Variants in TNS1 observed in about 807,000 individuals in gnomAD.
TNS1 encodes the protein tensin-1.
In TNS1, 62 loss-of-function variants were observed where a neutral mutation model predicts 168.6. That is an observed-to-expected ratio of 0.37 (90% CI 0.30 to 0.45). TNS1 has a LOEUF of 0.45. Ranked by LOEUF, TNS1 falls within the 20% of genes least tolerant of loss-of-function variation. The pLI is 1.00. For synonymous variants in TNS1, 934 were observed against 933.2 expected (o/e 1.00, Z -0.02); for missense variants, 2,240 against 2,339.4 (o/e 0.96, Z 0.88).
chr2:218,021,751 C>A (rs543641443), intron 1 of TNS1, among the ~76,000 whole-genome samples: 42 of 152,326 alleles, frequency 2.8e-4, no homozygotes, highest in Non-Finnish European at 4.7e-4. Context: ...GCAGACATGT[C>A]CCCCAAGGAG....
intron 2 of TNS1, among the ~76,000 whole-genome samples, chr2:217,990,675 C>A (rs1456039503): frequency 6.6e-6 from 1 of 152,222 alleles, no homozygotes; most frequent in African/African-American, 2.4e-5. Flanking sequence ...TCATGCCACC[C>A]GCATGACACC....
At chr2:218,000,971 A>G (rs544091775) in intron 1 of TNS1, among the ~76,000 whole-genome samples, 1 of 152,140 alleles carries the variant, frequency 6.6e-6, no homozygotes, top group African/African-American at 2.4e-5. Context: ...GGCCAACACG[A>G]TGAAACCCCA....
intron 1 of TNS1, among the ~76,000 whole-genome samples, chr2:218,031,206 G>A (rs1401757108): frequency 1.4e-5 from 2 of 146,366 alleles, no homozygotes; most frequent in Admixed American, 1.4e-4. Context: ...ATGTGTGTGA[G>A]TGTGTCTGTG....
chr2:217,838,432 G>T (rs1945467387), intron 19 of TNS1, among the ~76,000 whole-genome samples: 1 of 152,238 alleles, frequency 6.6e-6, no homozygotes, highest in African/African-American at 2.4e-5. Flanking sequence ...AGGGTGAGCT[G>T]CACCTTCCCA....
intron 1 of TNS1, among the ~76,000 whole-genome samples, chr2:218,018,018 G>A (rs916063020): frequency 6.6e-6 from 1 of 152,244 alleles, no homozygotes; most frequent in African/African-American, 2.4e-5. Flanking sequence ...AGGAGATCCA[G>A]TTAGCAGGCT....
intron 1 of TNS1, among the ~76,000 whole-genome samples, chr2:218,027,090 CT>C (rs1372564817): frequency 6.6e-6 from 1 of 152,030 alleles, no homozygotes; most frequent in Non-Finnish European, 1.5e-5. Flanking sequence ...AACACAATAC[CT>C]GTACCGCACC....
At position 217,880,928 on chromosome 2, in the gene TNS1, AGTT is replaced by A. The variant is rs773686655; in HGVS notation, c.1396_1398del (p.Asn466del). On this transcript the variant is annotated inframe_deletion, in exon 18 of 33. Coordinates refer to ENST00000682258, the MANE Select transcript of TNS1 (RefSeq NM_001387777.1). This position sits in a 1 kb window ranked among gnomAD's most constrained non-coding sequence, Gnocchi z 4.2. ...ATGCCGTCATCTCGATGCCCACTGA[AGTT>A]GTCGTAGGAGTCCCAGCGGATGAGG... is the stretch of plus-strand genomic sequence containing the variant. 6.2e-7 allele frequency: 1 copy of A among 1,613,888 alleles called. No homozygotes were observed. The highest frequency in any genetic ancestry group is 1.1e-5 in the South Asian group (1 of 91,068).
At chr2:217,878,721 T>C (rs1950418452) in intron 18 of TNS1, among the ~76,000 whole-genome samples, 1 of 152,134 alleles carries the variant, frequency 6.6e-6, no homozygotes, top group African/African-American at 2.4e-5. Flanking sequence ...ATTTGTTGAC[T>C]GAATTCCCAT....
chr2:218,004,358 A>C (rs944378173), upstream of TNS1, among the ~76,000 whole-genome samples: 16 of 151,240 alleles, frequency 1.1e-4, no homozygotes, highest in African/African-American at 3.9e-4. Context: ...AGGGTTACAG[A>C]TCCCCTGCCT....
intron 18 of TNS1, among the ~76,000 whole-genome samples, chr2:217,863,855 C>T (rs1005200353): frequency 1.3e-5 from 2 of 151,926 alleles, no homozygotes; most frequent in African/African-American, 4.8e-5. Context: ...AGGAAGGGCC[C>T]GCTGCCTGGG....
Position 217,886,658 on chromosome 2 carries a change from G to A in TNS1, c.867-12C>T, listed in dbSNP as rs764451084. ...AGTAATGCACGTACCTGTAGTGGTGGGAGAAGCAGCTTCAGGGAGTGAGGT... is the reference window on the plus strand; with the variant it reads ...AGTAATGCACGTACCTGTAGTGGTGAGAGAAGCAGCTTCAGGGAGTGAGGT... On this transcript the variant is annotated splice_polypyrimidine_tract_variant and intron_variant, in intron 12 of 32. Transcript: ENST00000682258. 1.0e-4 allele frequency: 157 copies of A among 1,563,746 alleles called. 1 individual carries two copies. The highest frequency in any genetic ancestry group is 1.2e-4 in the Non-Finnish European group (141 of 1,150,708).
At chr2:217,864,844 T>C (rs1242543089) in intron 18 of TNS1, among the ~76,000 whole-genome samples, 1 of 152,154 alleles carries the variant, frequency 6.6e-6, no homozygotes, top group Non-Finnish European at 1.5e-5. Context: ...ACATATAAGT[T>C]GGGTTATCAA....
At chr2:218,004,837 T>C (rs1342082305), upstream of TNS1, among the ~76,000 whole-genome samples, 1 of 152,218 alleles carries the variant, frequency 6.6e-6, no homozygotes, top group Non-Finnish European at 1.5e-5. Flanking sequence ...GACCCCCTAC[T>C]CTAAGCCTCC....
intron 16 of TNS1, among the ~76,000 whole-genome samples, chr2:217,884,564 G>GGA (rs1951013964): frequency 6.6e-6 from 1 of 152,126 alleles, no homozygotes; most frequent in African/African-American, 2.4e-5. Flanking sequence ...GCCCTGCAGG[G>GGA]TAATTATCCC....
chr2:217,846,159 G>T (rs955311644), intron 19 of TNS1, among the ~76,000 whole-genome samples: 5 of 152,150 alleles, frequency 3.3e-5, no homozygotes, highest in Admixed American at 1.3e-4. Flanking sequence ...CCTTTGTTCC[G>T]ATGCTCAGGT....
chr2:217,965,986 A>T (rs972100025), intron 3 of TNS1, among the ~76,000 whole-genome samples: 3 of 150,614 alleles, frequency 2.0e-5, no homozygotes, highest in African/African-American at 7.3e-5. Context: ...ATCCTGTTCC[A>T]CCAGGACCCC....
Position 217,881,002 on chromosome 2 carries a change from A to G in TNS1, c.1325T>C (p.Leu442Pro), listed in dbSNP as rs769759280. ...CACAGACACGCTCGGCCCGTTCTCC[A>G]GGTGCTCCATGCCTAAGTGGGATGG... ...GPEKIQGMEH[L>P]ENGPSVSVDY... Residue 442 changes from leucine (L) to proline (P), a missense_variant, in exon 18 of 33, where the codon CTG (leucine) becomes CCG (proline). Leu to Pro is a moderately conservative substitution (Grantham distance 98). Around this residue, in one of 2 missense-constraint regions of TNS1, gnomAD observed 2,131 missense variants for 2,171.2 expected, o/e 0.98. Transcript: ENST00000682258. 9.2e-5 allele frequency: 148 copies of G among 1,613,846 alleles called. No homozygotes were observed. The highest frequency in any genetic ancestry group is 1.2e-4 in the Non-Finnish European group (138 of 1,179,884).
At chr2:217,817,587 T>C (rs1942090012) in intron 24 of TNS1, 103 bp downstream of exon 24, 1 of 969,152 alleles carries the variant, frequency 1.0e-6, no homozygotes, top group Non-Finnish European at 1.5e-6. Flanking sequence ...TCACCCAGGG[T>C]CGTCTGCCAA....
At chr2:218,015,797 G>A (rs973015986) in intron 1 of TNS1, among the ~76,000 whole-genome samples, 1 of 152,096 alleles carries the variant, frequency 6.6e-6, no homozygotes, top group African/African-American at 2.4e-5. Context: ...TCGATCCATG[G>A]GGATCCCACA....
Sources: allele counts gnomAD v4.1 joint callset (sites outside exome capture counted in the v4.1 genomes callset), GRCh38; gene constraint gnomAD v4.1.1; regional missense constraint gnomAD v4.1.1; non-coding constraint Gnocchi (gnomAD v3.1); transcripts MANE v1.5; gene names NCBI Gene and HGNC (gene_info 2026-07-23, HGNC 2026-07-21).